Variants in TLK1 observed in about 807,000 individuals in gnomAD.
TLK1 encodes the protein serine/threonine-protein kinase tousled-like 1.
Under a neutral mutation model 105.3 loss-of-function variants are expected in TLK1, and 24 were observed. The observed-to-expected ratio is 0.23, with a 90% CI of 0.17 to 0.32. TLK1 has a LOEUF of 0.32. TLK1 is among the 10% of genes least tolerant of loss of function. The pLI is 1.00. For missense variants in TLK1, 558 were observed against 910.5 expected (o/e 0.61, Z 4.98); for synonymous variants, 321 against 310.4 (o/e 1.03, Z -0.36).
chr2:171,095,322 CAATG>C (rs1440996029), intron 2 of TLK1, among the ~76,000 whole-genome samples: 1 of 150,844 alleles, frequency 6.6e-6, no homozygotes, highest in Admixed American at 6.6e-5. Context: ...GAAAAAAAAA[CAATG>C]AAACCAAAAG....
At chr2:171,007,998 T>C (rs371355190) in intron 14 of TLK1, among the ~76,000 whole-genome samples, 2 of 152,166 alleles carry the variant, frequency 1.3e-5, no homozygotes, top group East Asian at 1.9e-4. Flanking sequence ...TTTGGTTCCA[T>C]TGTGATTTAC....
chr2:171,204,819 G>A (rs559631120), intron 1 of TLK1, among the ~76,000 whole-genome samples: 14 of 152,154 alleles, frequency 9.2e-5, no homozygotes, highest in South Asian at 4.1e-4. Context: ...TTAGCTGGGC[G>A]TGGTGGCCGG....
intron 2 of TLK1, among the ~76,000 whole-genome samples, chr2:171,094,827 C>T (rs955282824): frequency 2.6e-5 from 4 of 152,030 alleles, no homozygotes; most frequent in African/African-American, 4.8e-5. Flanking sequence ...AGGCTGGTCT[C>T]GAACTCCTGA....
Position 171,054,120 on chromosome 2 carries a change from C to T in TLK1, c.640-267G>A, listed in dbSNP as rs73976245. 2.1e-3 allele frequency: 503 copies of T among 241,200 alleles called. 2 individuals are homozygous for T. The highest frequency in any genetic ancestry group is 0.011 in the African/African-American group (477 of 44,364). 14.9% of individuals were successfully genotyped at this position (241,200 alleles called of 1,614,324 possible). ...AATATATCCGCTGCTTTGTGCTATA[C>T]GTTCCTCTAGTTGATTTTTTTGAAT... On this transcript the variant is annotated intron_variant, in intron 7 of 20. Transcript: ENST00000431350.
At chr2:171,152,322 T>C (rs1160407861) in intron 1 of TLK1, among the ~76,000 whole-genome samples, 1 of 152,222 alleles carries the variant, frequency 6.6e-6, no homozygotes, top group East Asian at 1.9e-4. Context: ...AATTGCCTTC[T>C]TGAAATTCAT....
chr2:171,080,553 T>C (rs920665563), intron 3 of TLK1, among the ~76,000 whole-genome samples: 6 of 149,002 alleles, frequency 4.0e-5, no homozygotes, highest in African/African-American at 1.5e-4. Flanking sequence ...AAAATAATAA[T>C]AATAATAATA....
At chr2:171,028,936 G>C (rs1685906944) in intron 11 of TLK1, among the ~76,000 whole-genome samples, 1 of 79,656 alleles carries the variant, frequency 1.3e-5, no homozygotes, top group Non-Finnish European at 2.5e-5. Context: ...ATTTGGACTG[G>C]GTGTTAGAGA....
chr2:171,081,514 T>C (rs995026442), intron 3 of TLK1: 8 of 435,312 alleles, frequency 1.8e-5, no homozygotes, highest in Non-Finnish European at 3.0e-5. Flanking sequence ...GAGAACATTC[T>C]TGATACACTT....
intron 8 of TLK1, among the ~76,000 whole-genome samples, chr2:171,051,756 G>C (rs1466108785): frequency 6.6e-6 from 1 of 152,192 alleles, no homozygotes; most frequent in Non-Finnish European, 1.5e-5. Flanking sequence ...TGCAGTACTT[G>C]TGTAGAGACA....
At chr2:171,050,291 G>A (rs1274652393) in intron 8 of TLK1, 117 bp from the exon 9 acceptor site, 3 of 612,436 alleles carry the variant, frequency 4.9e-6, no homozygotes, top group Non-Finnish European at 7.6e-6. Context: ...TTAAATATCT[G>A]AGTATGATAC....
At chr2:171,044,415 G>A (rs1482397115) in intron 11 of TLK1, among the ~76,000 whole-genome samples, 1 of 152,210 alleles carries the variant, frequency 6.6e-6, no homozygotes, top group African/African-American at 2.4e-5. Context: ...GAATCGGAAA[G>A]ATAACAGTAA....
At chr2:171,071,237 G>A (rs1438478558) in intron 3 of TLK1, among the ~76,000 whole-genome samples, 3 of 151,198 alleles carry the variant, frequency 2.0e-5, no homozygotes, top group African/African-American at 7.3e-5. Context: ...TCCTCGCTTT[G>A]TTGATTGTTT....
intron 1 of TLK1, among the ~76,000 whole-genome samples, chr2:171,216,450 TG>T (rs1473219357): frequency 6.6e-6 from 1 of 152,178 alleles, no homozygotes; most frequent in Non-Finnish European, 1.5e-5. Flanking sequence ...CACTCCAGCC[TG>T]GGCGACAGAG....
intron 2 of TLK1, among the ~76,000 whole-genome samples, chr2:171,089,490 T>C (rs11898754): frequency 0.032 from 4,899 of 152,336 alleles, 253 homozygotes; most frequent in African/African-American, 0.11. Flanking sequence ...TTTTCCCTTA[T>C]AGATATCCAA....
intron 3 of TLK1, among the ~76,000 whole-genome samples, chr2:171,076,398 C>T (rs1688507413): frequency 1.3e-5 from 2 of 152,060 alleles, no homozygotes; most frequent in African/African-American, 4.8e-5. Context: ...GGTGATGATC[C>T]TCACCTGATG....
rs1416639709 is a variant in TLK1 at position 171,193,699 on chromosome 2, CATTTT to C, written c.-6+37441_-6+37445del. On this transcript the variant is annotated intron_variant, in intron 1 of 20. Coordinates refer to the TLK1 transcript ENST00000521943. The stretch of plus-strand genomic sequence containing the variant: ...TATAGGCGTGAGCCACAGCGCCTGG[CATTTT>C]TTTTTTTTTTTTTTTTTTTTTTTTT... Among the ~76,000 whole-genome samples, 30 of 103,240 alleles carry C rather than the reference CATTTT, an allele frequency of 2.9e-4. 1 individual carries two copies. The highest frequency in any genetic ancestry group is 1.1e-3 in the African/African-American group (28 of 25,132). The allele number at this position is 103,240 out of a possible 152,430, so 67.7% of individuals were successfully genotyped here. A position where few individuals can be genotyped will look rare whatever the true frequency, so the allele number is the denominator to read the frequency against.
chr2:171,103,878 C>T (rs1350837100), intron 2 of TLK1, among the ~76,000 whole-genome samples: 1 of 152,148 alleles, frequency 6.6e-6, no homozygotes, highest in Non-Finnish European at 1.5e-5. Context: ...CTAAAAGCTT[C>T]ACCAAAAAGC....
At chr2:171,181,065 T>A (rs1453032099) in intron 1 of TLK1, among the ~76,000 whole-genome samples, 1 of 152,192 alleles carries the variant, frequency 6.6e-6, no homozygotes, top group African/African-American at 2.4e-5. Context: ...AATAAAGGTT[T>A]GCCATTTGTT....
chr2:171,060,349 C>T (rs1183878297), intron 4 of TLK1, among the ~76,000 whole-genome samples: 2 of 152,260 alleles, frequency 1.3e-5, no homozygotes, highest in African/African-American at 4.8e-5. Flanking sequence ...ATACAATACA[C>T]CTCAGAAAAG....
Sources: gnomAD v4.1 joint callset for allele counts (sites outside exome capture counted in the v4.1 genomes callset) on GRCh38, gnomAD v4.1.1 for gene constraint, MANE v1.5 for transcripts, NCBI Gene and HGNC (gene_info 2026-07-23, HGNC 2026-07-21) for gene names.